Variants in CUBN observed in about 807,000 individuals in gnomAD.
The protein encoded by CUBN is cubilin, also known as 460 kDa receptor.
In CUBN, 282 loss-of-function variants were observed where a neutral mutation model predicts 405.3. The ratio of observed to expected loss-of-function variants is 0.70; its 90% confidence interval spans 0.63 to 0.77. The LOEUF is 0.77. Among genes scored for constraint, CUBN ranks in the 30% least tolerant of loss-of-function variants. The pLI, the probability that CUBN is intolerant of heterozygous loss-of-function variation, is 0.00. For synonymous variants in CUBN, 1,684 were observed against 1,617.0 expected (o/e 1.04, Z -0.99); for missense variants, 4,514 against 4,475.2 (o/e 1.01, Z -0.25).
chr10:17,018,082 G>C lies in CUBN; in HGVS notation c.4168+1751C>G, dbSNP rs188598208. Among the ~76,000 whole-genome samples, 3 of 152,208 alleles carry C rather than the reference G, an allele frequency of 2.0e-5. No homozygotes were observed. The South Asian group carries it at 6.2e-4, about 32-fold the overall frequency. On this transcript the variant is annotated intron_variant, in intron 28 of 66. Coordinates refer to ENST00000377833, the MANE Select transcript of CUBN (RefSeq NM_001081.4). ...GGAAGCTGGTTCCAGGCCAACCAAC[G>C]CTCCCAACTCCGAAGAGTTGGGGGT...
In CUBN at chr10:16,888,533, T is replaced by G. The variant is rs1840890192; in HGVS notation, c.8789A>C (p.Tyr2930Ser). 1 of 1,613,560 alleles carries G rather than the reference T, an allele frequency of 6.2e-7. No individual in the cohort carries two copies. The highest frequency in any genetic ancestry group is 1.3e-5 in the African/African-American group (1 of 74,902). Reference protein sequence around the residue: ...CGSNFTGPSGYIISPNYPKQY... With the variant: ...CGSNFTGPSGSIISPNYPKQY... ...TTTTGGGTAATTTGGAGAAATGATG[T>G]AACCTGAAGGGCCAGTGAAATTACT... is the stretch of plus-strand genomic sequence containing the variant. Residue 2930 changes from tyrosine to serine, a missense_variant, in exon 56 of 67, where the codon TAC becomes TCC. Physicochemically the swap from Tyr to Ser is moderately radical, Grantham distance 144. This residue lies in a region of CUBN where 1,186 missense variants were observed against 1,186.9 expected (regional missense o/e 1.00). Transcript: ENST00000377833.
At chr10:16,890,647 A>C in intron 54 of CUBN, 120 bp from the exon 55 acceptor site, 1 of 956,142 alleles carries the variant, frequency 1.0e-6, no homozygotes, top group Non-Finnish European at 1.7e-6. Flanking sequence ...GAGTAAACAA[A>C]ACATGGACAA....
intron 31 of CUBN, among the ~76,000 whole-genome samples, chr10:16,964,661 C>T (rs1361265140): frequency 6.6e-6 from 1 of 152,120 alleles, no homozygotes; most frequent in East Asian, 1.9e-4. Context: ...TTTCATCACT[C>T]GGACGCATAA....
chr10:16,840,832 T>G, intron 61 of CUBN, 53 bp downstream of exon 61: 2 of 1,468,502 alleles, frequency 1.4e-6, no homozygotes, highest in Non-Finnish European at 9.5e-7. Context: ...TTCTTTTCAG[T>G]GCATAAATAC....
At position 17,100,235 on chromosome 10, in the gene CUBN, AG is replaced by A; in HGVS notation, c.1534del (p.Leu512CysfsTer10). 1 of 1,599,922 alleles carries A rather than the reference AG, an allele frequency of 6.3e-7. No homozygotes were observed. The highest frequency in any genetic ancestry group is 8.6e-7 in the Non-Finnish European group (1 of 1,167,318). ...WVIKTEMGKV[L>X]RITFTFFRLE... ...CCGGAAAAAAGTGAAAGTGATACGC[AG>A]GACCTAAAAATACAAAGGCCACATA... On this transcript the variant is annotated frameshift_variant, in exon 14 of 67. Coordinates refer to ENST00000377833, the MANE Select transcript of CUBN (RefSeq NM_001081.4). LOFTEE classifies it high-confidence loss of function.
intron 5 of CUBN, 106 bp from the exon 6 acceptor site, chr10:17,123,004 T>A: frequency 1.3e-6 from 1 of 791,634 alleles, no homozygotes; most frequent in Non-Finnish European, 2.2e-6. Context: ...AGTATATAAG[T>A]CCTCATAAAG....
At chr10:17,107,265 C>A (rs1313779730) in intron 10 of CUBN, among the ~76,000 whole-genome samples, 1 of 152,160 alleles carries the variant, frequency 6.6e-6, no homozygotes. Flanking sequence ...TTCCAGATTT[C>A]TCACTTAATA....
At chr10:17,073,097 A>G (rs1029828561) in intron 17 of CUBN, among the ~76,000 whole-genome samples, 7 of 152,178 alleles carry the variant, frequency 4.6e-5, no homozygotes, top group Non-Finnish European at 1.0e-4. Context: ...ATTTCCAAAT[A>G]ATTTTTGTTA....
intron 8 of CUBN, among the ~76,000 whole-genome samples, chr10:17,112,017 G>A (rs552548865): frequency 6.6e-6 from 1 of 152,320 alleles, no homozygotes; most frequent in East Asian, 1.9e-4. Context: ...TTGTACAAAT[G>A]AAGAATAAAG....
At chr10:17,056,339 G>A (rs1328206020) in intron 22 of CUBN, among the ~76,000 whole-genome samples, 4 of 152,122 alleles carry the variant, frequency 2.6e-5, no homozygotes, top group Admixed American at 6.5e-5. Flanking sequence ...AGCCGGGTGC[G>A]GTGGCTCACG....
intron 27 of CUBN, among the ~76,000 whole-genome samples, chr10:17,040,566 A>G (rs1397597819): frequency 6.6e-6 from 1 of 152,196 alleles, no homozygotes; most frequent in Non-Finnish European, 1.5e-5. Context: ...GGTCATGATT[A>G]TAACAATTGA....
chr10:16,960,669 T>C (rs541840502), intron 31 of CUBN, among the ~76,000 whole-genome samples: 6 of 152,248 alleles, frequency 3.9e-5, no homozygotes, highest in Admixed American at 3.9e-4. Flanking sequence ...AGAACTAGGG[T>C]TGAGGAAAAC....
At chr10:16,841,070 A>G (rs758174278) in intron 60 of CUBN, 23 bp from the exon 61 acceptor site, 1 of 1,611,774 alleles carries the variant, frequency 6.2e-7, no homozygotes, top group Non-Finnish European at 8.5e-7. Flanking sequence ...ACAATTCATT[A>G]CTTCTCCATT....
intron 14 of CUBN, among the ~76,000 whole-genome samples, chr10:17,091,322 GA>G (rs1472552811): frequency 2.6e-5 from 4 of 151,890 alleles, no homozygotes; most frequent in African/African-American, 9.7e-5. Context: ...TACAGATATC[GA>G]AAACAAAACA....
chr10:16,998,987 AATTTCT>A (rs1481214216), intron 28 of CUBN, among the ~76,000 whole-genome samples: 11 of 152,338 alleles, frequency 7.2e-5, no homozygotes, highest in Admixed American at 4.6e-4. Flanking sequence ...TTATTCGACT[AATTTCT>A]ATACAGCAGT....
chr10:16,998,130 G>C (rs1833784928), intron 28 of CUBN, among the ~76,000 whole-genome samples: 1 of 152,146 alleles, frequency 6.6e-6, no homozygotes, highest in African/African-American at 2.4e-5. Flanking sequence ...GACTCCAGGA[G>C]AGGAGAGAGT....
At chr10:16,966,103 G>A in intron 31 of CUBN, 1 of 419,028 alleles carries the variant, frequency 2.4e-6, no homozygotes. Flanking sequence ...TGGAAATAGG[G>A]TGGGAGTCCC....
intron 58 of CUBN, among the ~76,000 whole-genome samples, chr10:16,870,277 A>G (rs188378958): frequency 6.6e-6 from 1 of 152,360 alleles, no homozygotes; most frequent in East Asian, 1.9e-4. Context: ...AGTAGAACTT[A>G]TGGGAAGCAT....
intron 40 of CUBN, among the ~76,000 whole-genome samples, chr10:16,930,522 T>C (rs771182702): frequency 1.3e-5 from 2 of 152,218 alleles, no homozygotes; most frequent in Non-Finnish European, 2.9e-5. Flanking sequence ...ACACTTAAGA[T>C]CTGGAACTAG....
Sources: gnomAD v4.1 joint callset for allele counts (sites outside exome capture counted in the v4.1 genomes callset) on GRCh38, gnomAD v4.1.1 for gene constraint, gnomAD v4.1.1 regional missense constraint, MANE v1.5 for transcripts, NCBI Gene and HGNC (gene_info 2026-07-23, HGNC 2026-07-21) for gene names.